Variants in CIITA observed in about 807,000 individuals in gnomAD.
CIITA encodes the protein class II major histocompatibility complex transactivator, also known as MHC class II transactivator.
CIITA carries 72 observed loss-of-function variants against 115.1 expected under a neutral mutation model. The ratio of observed to expected loss-of-function variants is 0.63; its 90% CI spans 0.52 to 0.76. The LOEUF (loss-of-function observed/expected upper bound fraction) is 0.76, where lower values mean the gene tolerates loss of function less well. Ranked by LOEUF, CIITA falls within the 30% of genes least tolerant of loss-of-function variation. The probability of loss-of-function intolerance (pLI) is 0.00; values close to 1 mark genes in which losing one functional copy is unlikely to be tolerated. For missense variants in CIITA, 1,617 were observed against 1,463.8 expected (o/e 1.10, Z -1.71); for synonymous variants, 763 against 635.6 (o/e 1.20, Z -3.02).
At position 10,911,380 on chromosome 16, in the gene CIITA, TTC is replaced by T. The variant is rs376123160; in HGVS notation, c.2888+1134_2888+1135del. ...TCTTTCTCTCTGTTTCTTTCTTTCTTTCTCTCTCTCTCTCCCTTCCTTCCTCC... is the reference window on the plus strand; with the variant it reads ...TCTTTCTCTCTGTTTCTTTCTTTCTTTCTCTCTCTCTCCCTTCCTTCCTCC... On this transcript the variant is annotated intron_variant, in intron 13 of 19. Coordinates refer to ENST00000324288, the MANE Select transcript of CIITA (RefSeq NM_000246.4). 7.4e-3 allele frequency among the ~76,000 whole-genome samples: 637 copies of T among 85,588 alleles called. 9 individuals are homozygous for T. Among genetic ancestry groups the T allele is most frequent in the African/African-American group, 0.023 (578 of 25,280 alleles). 56.1% of individuals were successfully genotyped at this position (85,588 alleles called of 152,430 possible).
At position 10,879,423 on chromosome 16, in the gene CIITA, C is replaced by A. The variant is rs1363519124; in HGVS notation, c.52+2041C>A. Among the ~76,000 whole-genome samples the A allele has an allele frequency of 1.3e-5, 2 of 152,202 alleles. No individual in the cohort carries two copies. The highest frequency in any genetic ancestry group is 2.9e-5 in the Non-Finnish European group (2 of 68,028). On this transcript the variant is annotated intron_variant, in intron 1 of 19. Coordinates refer to ENST00000324288, the MANE Select transcript of CIITA (RefSeq NM_000246.4). The surrounding 1 kb of genome is among the most constrained non-coding windows in gnomAD (Gnocchi z 4.3). The stretch of plus-strand genomic sequence containing the variant: ...TGCAGAGGTGCGCGCCCTTCTTGTA[C>A]GCCAGACTTTGGACCAGGGCCGCCG...
chr16:10,878,258 G>A (rs1198561786), intron 1 of CIITA, among the ~76,000 whole-genome samples: 7 of 152,148 alleles, frequency 4.6e-5, no homozygotes, highest in African/African-American at 1.2e-4. Flanking sequence ...CAGGTCTGCC[G>A]GTGTGGTTGG....
At chr16:10,916,688 G>A in intron 15 of CIITA, 2 of 564,702 alleles carry the variant, frequency 3.5e-6, no homozygotes, top group Admixed American at 2.8e-5. Context: ...ACCATGCCCA[G>A]CCCCAGTGGA....
chr16:10,873,237 G>C (rs2035606202), upstream of CIITA, among the ~76,000 whole-genome samples: 2 of 152,334 alleles, frequency 1.3e-5, no homozygotes, highest in Non-Finnish European at 2.9e-5. Flanking sequence ...GCCTCCCAAA[G>C]TGCAGTGTGC....
At chr16:10,884,966 C>G (rs981972462) in intron 1 of CIITA, among the ~76,000 whole-genome samples, 1 of 152,124 alleles carries the variant, frequency 6.6e-6, no homozygotes, top group Non-Finnish European at 1.5e-5. Flanking sequence ...CCTCCCAAGC[C>G]ATTATCTTGG....
chr16:10,909,261 G>T, intron 12 of CIITA, 74 bp downstream of exon 12: 1 of 1,519,320 alleles, frequency 6.6e-7, no homozygotes, highest in South Asian at 1.1e-5. Context: ...TCTCAAGTTT[G>T]TCATGGGCAT....
At chr16:10,939,581 C>T (rs1443368903), downstream of CIITA, 2 of 152,230 alleles carry the variant, frequency 1.3e-5, no homozygotes, top group African/African-American at 2.4e-5. This position sits in a 1 kb window ranked among gnomAD's most constrained non-coding sequence, Gnocchi z 4.9. Flanking sequence ...TCTCCAGATC[C>T]TTCTATCAAA....
chr16:10,896,038 G>T (rs2038093392), intron 3 of CIITA, among the ~76,000 whole-genome samples: 1 of 151,130 alleles, frequency 6.6e-6, no homozygotes, highest in Non-Finnish European at 1.5e-5. Context: ...ACGCATTTCT[G>T]CTTCTTGCTC....
chr16:10,886,901 T>A (rs1447388757), intron 1 of CIITA, among the ~76,000 whole-genome samples: 2 of 152,216 alleles, frequency 1.3e-5, no homozygotes, highest in Non-Finnish European at 2.9e-5. Context: ...GTCTCTCTCC[T>A]AAAATATCAT....
intron 1 of CIITA, chr16:10,888,778 C>G (rs1225272062): frequency 6.6e-6 from 1 of 152,230 alleles, no homozygotes; most frequent in Non-Finnish European, 1.5e-5. Flanking sequence ...CATGGCTCCT[C>G]AAAAGGAGAA....
intron 8 of CIITA, 57 bp from the exon 9 acceptor site, chr16:10,903,674 T>G (rs551010991): frequency 5.6e-6 from 9 of 1,597,200 alleles, no homozygotes; most frequent in Non-Finnish European, 7.7e-6. Flanking sequence ...GTGACCCAAG[T>G]GCATTTCTGG....
At chr16:10,909,288 C>G in intron 12 of CIITA, 101 bp downstream of exon 12, 1 of 1,230,882 alleles carries the variant, frequency 8.1e-7, no homozygotes, top group Admixed American at 1.8e-5. Context: ...TGCCCCCTGT[C>G]CTCTGGGACA....
intron 1 of CIITA, 135 bp from the exon 2 acceptor site, chr16:10,895,147 T>A: frequency 1.0e-6 from 1 of 973,128 alleles, no homozygotes; most frequent in Non-Finnish European, 1.6e-6. Context: ...GCTGAGCATA[T>A]AAGAGGTGCT....
chr16:10,890,930 A>G (rs1317496793), intron 1 of CIITA, among the ~76,000 whole-genome samples: 1 of 152,174 alleles, frequency 6.6e-6, no homozygotes, highest in African/African-American at 2.4e-5. Flanking sequence ...GTGGTTTAAA[A>G]AATGAACTTG....
chr16:10,907,318 A>G lies in CIITA; in HGVS notation c.1826A>G (p.His609Arg). 4 of 1,613,586 alleles carry G rather than the reference A, an allele frequency of 2.5e-6. No homozygotes were observed. Among genetic ancestry groups the G allele is most frequent in the Non-Finnish European group, 3.4e-6 (4 of 1,180,008 alleles). Residue 609 changes from histidine (H) to arginine (R), a missense_variant, in exon 11 of 20, where the codon CAC becomes CGC. Coordinates refer to ENST00000324288, the MANE Select transcript of CIITA (RefSeq NM_000246.4). The surrounding 1 kb of genome is among the most constrained non-coding windows in gnomAD (Gnocchi z 5.0). Reference sequence around the variant, plus strand: ...CGGCCACTTCTTCTCAGTCACAGCCACAGCCCTACTTTGTGCCGGGCAGTG... The same window carrying G: ...CGGCCACTTCTTCTCAGTCACAGCCGCAGCCCTACTTTGTGCCGGGCAGTG... ...RDRPLLLSHS[H>R]SPTLCRAVCQ... is the part of the protein sequence containing the mutation.
intron 1 of CIITA, 64 bp from the exon 2 acceptor site, chr16:10,895,218 G>C: frequency 6.3e-7 from 1 of 1,593,968 alleles, no homozygotes; most frequent in Non-Finnish European, 8.6e-7. Context: ...AGTTGTTGTA[G>C]GTGTCAATTT....
chr16:10,922,436 G>A lies in CIITA; in HGVS notation c.3263G>A (p.Gly1088Glu). The A allele has an allele frequency of 6.2e-7, 1 of 1,614,202 alleles. No homozygotes were observed. The part of the protein sequence containing the change: ...DVQYNKFTAA[G>E]AQQLAASLRR... ...CAGTACAACAAGTTCACGGCTGCCG[G>A]GGCCCAGCAGCTCGCTGCCAGCCTT... The change falls in exon 18 of 20, where the codon GGG (glycine) becomes GAG (glutamate). Residue 1088 changes from glycine (G) to glutamate (E), a missense_variant. By Grantham distance (98) the Gly-to-Glu change is moderately conservative (BLOSUM62 -2). Coordinates refer to ENST00000324288, the MANE Select transcript of CIITA (RefSeq NM_000246.4).
chr16:10,935,462 T>A lies in CIITA; in HGVS notation c.*11607T>A, dbSNP rs543017240. 1 of 152,388 alleles carries A rather than the reference T, an allele frequency of 6.6e-6. No individual in the cohort carries two copies. Among genetic ancestry groups the A allele is most frequent in the Non-Finnish European group, 1.5e-5 (1 of 68,038 alleles). The allele number at this position is 152,388 out of a possible 1,614,324, so 9.4% of individuals were successfully genotyped here. A position where few individuals can be genotyped will look rare whatever the true frequency, so the allele number is the denominator to read the frequency against. On this transcript the variant is annotated 3_prime_UTR_variant, in exon 20 of 20. Coordinates refer to ENST00000324288, the MANE Select transcript of CIITA (RefSeq NM_000246.4). Reference sequence around the variant, plus strand: ...AGTTAATGACTTTGGCAGTTAGTGTTTTTATCCATGCCAAGCGATGATGAT... The same window carrying A: ...AGTTAATGACTTTGGCAGTTAGTGTATTTATCCATGCCAAGCGATGATGAT...
In CIITA at chr16:10,935,341, A is replaced by G. The variant is rs1238737755; in HGVS notation, c.*11486A>G. ...AGAAAGTTCAGTTTGGTGCTGGTATATCTTATGTTTATCACCCGACAGTTG... is the reference window on the plus strand; with the variant it reads ...AGAAAGTTCAGTTTGGTGCTGGTATGTCTTATGTTTATCACCCGACAGTTG... On this transcript the variant is annotated 3_prime_UTR_variant, in exon 20 of 20. Transcript: ENST00000324288. The G allele has an allele frequency of 1.3e-5, 2 of 152,232 alleles. No homozygotes were observed. The highest frequency in any genetic ancestry group is 4.8e-5 in the African/African-American group (2 of 41,470). The allele number at this position is 152,232 out of a possible 1,614,324, so 9.4% of individuals were successfully genotyped here. A position where few individuals can be genotyped will look rare whatever the true frequency, so the allele number is the denominator to read the frequency against.
Sources: gnomAD v4.1 joint callset for allele counts (sites outside exome capture counted in the v4.1 genomes callset) on GRCh38, gnomAD v4.1.1 for gene constraint, Gnocchi (gnomAD v3.1) non-coding constraint, MANE v1.5 for transcripts, NCBI Gene and HGNC (gene_info 2026-07-23, HGNC 2026-07-21) for gene names.